The following CCDC7 variants were observed in gnomAD, a reference collection of about 807,000 sequenced individuals.
The protein encoded by CCDC7 is coiled-coil domain-containing protein 7.
CCDC7 carries 183 observed loss-of-function variants against 196.9 expected under a neutral mutation model. The ratio of observed to expected loss-of-function variants is 0.93; its 90% CI spans 0.82 to 1.05. The LOEUF is 1.05. Among genes scored for constraint, CCDC7 ranks in the 50% least tolerant of loss-of-function variants. CCDC7 has a pLI of 0.00. For missense variants in CCDC7, 1,540 were observed against 1,482.2 expected (o/e 1.04, Z -0.64); for synonymous variants, 525 against 484.6 (o/e 1.08, Z -1.10).
intron 13 of CCDC7, among the ~76,000 whole-genome samples, chr10:32,556,120 A>G (rs2054298840): frequency 1.3e-5 from 2 of 152,184 alleles, no homozygotes; most frequent in African/African-American, 4.8e-5. Flanking sequence ...GTACCTTTTT[A>G]TGGGAGCTAT....
intron 31 of CCDC7, among the ~76,000 whole-genome samples, chr10:32,818,638 C>A (rs1449411731): frequency 6.6e-6 from 1 of 152,188 alleles, no homozygotes; most frequent in Non-Finnish European, 1.5e-5. Context: ...AACAAACTGT[C>A]TCTCAGACCA....
At position 32,520,858 on chromosome 10, in the gene CCDC7, G is replaced by A. The variant is rs115181604; in HGVS notation, c.993+2353G>A. Among the ~76,000 whole-genome samples, 1,290 of 152,114 alleles carry A rather than the reference G, an allele frequency of 8.5e-3. 27 individuals are homozygous for A. Among genetic ancestry groups the A allele is most frequent in the African/African-American group, 0.028 (1,183 of 41,538 alleles). ...TGGAGTAGTGTCATCATTTGAGGTC[G>A]TAGATTTAAGTCTTTAATCCATTTT... On this transcript the variant is annotated intron_variant, in intron 11 of 41. Transcript: ENST00000639629.
intron 37 of CCDC7, 68 bp from the exon 39 acceptor site, chr10:32,847,765 A>T (rs2093368666): frequency 1.1e-6 from 1 of 950,916 alleles, no homozygotes; most frequent in East Asian, 2.5e-5. Flanking sequence ...AGAAAAAAGA[A>T]CTAAAATACA....
intron 9 of CCDC7, chr10:32,513,914 T>C (rs1464674086): frequency 6.6e-6 from 1 of 152,150 alleles, no homozygotes; most frequent in Admixed American, 6.5e-5. Context: ...AATGAATAAT[T>C]TCTCCCTATG....
At chr10:32,811,190 C>T (rs761540849) in intron 30 of CCDC7, among the ~76,000 whole-genome samples, 32 of 151,874 alleles carry the variant, frequency 2.1e-4, no homozygotes, top group South Asian at 4.2e-4. Context: ...GAAATAGATA[C>T]TTAAGCAAAG....
In CCDC7 at chr10:32,528,325, T is replaced by C. The variant is rs371325010; in HGVS notation, c.993+9820T>C. On this transcript the variant is annotated intron_variant, in intron 11 of 41. Transcript: ENST00000639629. ...TTGGTTACATGAATAGGTTCTTTAG[T>C]GGTGATTTCTGAGATTTTGGCGCAT... 2.0e-5 allele frequency among the ~76,000 whole-genome samples: 3 copies of C among 152,194 alleles called. No homozygotes were observed. In the East Asian group the frequency reaches 5.8e-4, roughly 29 times the overall value.
At chr10:32,472,590 T>C in intron 7 of CCDC7, 48 bp downstream of exon 8, 1 of 1,429,412 alleles carries the variant, frequency 7.0e-7, no homozygotes, top group Non-Finnish European at 9.3e-7. Flanking sequence ...TATTAAAAAT[T>C]TTGTTATTAT....
intron 24 of CCDC7, among the ~76,000 whole-genome samples, chr10:32,701,942 C>G (rs541456786): frequency 8.8e-4 from 134 of 152,150 alleles, no homozygotes; most frequent in Non-Finnish European, 9.1e-4. Flanking sequence ...AGCGGTCTGT[C>G]AATTTTGTTG....
At chr10:32,696,897 A>T (rs1419752557) in intron 24 of CCDC7, among the ~76,000 whole-genome samples, 4 of 152,160 alleles carry the variant, frequency 2.6e-5, no homozygotes, top group African/African-American at 9.7e-5. Context: ...AAATGAAAAA[A>T]ATTATGATCT....
intron 32 of CCDC7, among the ~76,000 whole-genome samples, chr10:32,827,848 T>C (rs1225178817): frequency 6.6e-6 from 1 of 152,174 alleles, no homozygotes; most frequent in Non-Finnish European, 1.5e-5. Flanking sequence ...GCCATATTTT[T>C]TGTGGGAGAA....
At chr10:32,866,606 A>G (rs11814031) in intron 41 of CCDC7, among the ~76,000 whole-genome samples, 4,237 of 151,748 alleles carry the variant, frequency 0.028, 212 homozygotes, top group African/African-American at 0.096. Flanking sequence ...ATGAAATTAA[A>G]AGAAGGAAGA....
At chr10:32,741,261 C>G (rs900081495) in intron 28 of CCDC7, among the ~76,000 whole-genome samples, 1 of 152,038 alleles carries the variant, frequency 6.6e-6, no homozygotes, top group African/African-American at 2.4e-5. Flanking sequence ...AGTTTTAATC[C>G]TTTATTAAAA....
intron 21 of CCDC7, among the ~76,000 whole-genome samples, chr10:32,684,790 A>T (rs1028138144): frequency 6.6e-6 from 1 of 152,196 alleles, no homozygotes; most frequent in Non-Finnish European, 1.5e-5. Flanking sequence ...CCTACTGAAA[A>T]TATTTTGTGA....
In CCDC7 at chr10:32,729,331, G is replaced by A. The variant is rs763692966; in HGVS notation, c.2780-1G>A. 10 of 1,552,932 alleles carry A rather than the reference G, an allele frequency of 6.4e-6. No individual in the cohort carries two copies. In the East Asian group the frequency reaches 2.3e-4, roughly 36 times the overall value. ...TTGCACATCTATTTTTTTCTATTTA[G>A]CGTTTCCTTTAGAAATCAAAAAAAA... is the stretch of plus-strand genomic sequence containing the variant. On this transcript the variant is annotated splice_acceptor_variant, in intron 27 of 41. Coordinates refer to ENST00000639629, the Ensembl canonical transcript of CCDC7. LOFTEE classifies it high-confidence loss of function.
At chr10:32,677,070 A>G (rs2075110403) in intron 21 of CCDC7, among the ~76,000 whole-genome samples, 1 of 151,508 alleles carries the variant, frequency 6.6e-6, no homozygotes, top group Non-Finnish European at 1.5e-5. Flanking sequence ...TTGTAGGGAC[A>G]TGGATGAAAT....
intron 20 of CCDC7, among the ~76,000 whole-genome samples, chr10:32,651,916 A>C (rs1282135859): frequency 2.6e-5 from 4 of 152,198 alleles, no homozygotes; most frequent in Non-Finnish European, 5.9e-5. Flanking sequence ...TGAACTTTAA[A>C]GTGGCAGTGC....
At chr10:32,745,951 T>G (rs2074647442) in intron 28 of CCDC7, among the ~76,000 whole-genome samples, 1 of 152,226 alleles carries the variant, frequency 6.6e-6, no homozygotes, top group Non-Finnish European at 1.5e-5. Context: ...TACCTAAGTA[T>G]TCAATTTTGG....
intron 18 of CCDC7, among the ~76,000 whole-genome samples, chr10:32,588,356 A>G (rs755939249): frequency 9.6e-4 from 140 of 145,384 alleles, no homozygotes; most frequent in Non-Finnish European, 1.5e-3. Flanking sequence ...GTGTTTTTCA[A>G]ACCATGAAAT....
chr10:32,814,273 T>C, intron 30 of CCDC7, 97 bp from the exon 32 acceptor site: 2 of 873,108 alleles, frequency 2.3e-6, no homozygotes, highest in Non-Finnish European at 3.7e-6. Flanking sequence ...TATTTTAAGT[T>C]AGTAACACAC....
Sources: allele counts gnomAD v4.1 joint callset (sites outside exome capture counted in the v4.1 genomes callset), GRCh38; gene constraint gnomAD v4.1.1; transcripts MANE v1.5; gene names NCBI Gene and HGNC (gene_info 2026-07-23, HGNC 2026-07-21).